NETO1: variants seen among roughly 807,000 people sequenced by gnomAD.
NETO1 encodes neuropilin and tolloid like 1.
Under a neutral mutation model 61.3 loss-of-function variants are expected in NETO1, and 26 were observed. That is an observed-to-expected ratio of 0.42 (90% confidence interval 0.31 to 0.59). NETO1 has a LOEUF of 0.59. Among genes scored for constraint, NETO1 ranks in the 20% least tolerant of loss-of-function variants. The pLI, the probability that NETO1 is intolerant of heterozygous loss-of-function variation, is 0.12. For synonymous variants in NETO1, 225 were observed against 225.8 expected (o/e 1.00, Z 0.03); for missense variants, 531 against 662.8 (o/e 0.80, Z 2.18).
chr18:72,846,584 CA>C (rs2074096411), intron 4 of NETO1, among the ~76,000 whole-genome samples: 1 of 120,836 alleles, frequency 8.3e-6, no homozygotes, highest in South Asian at 2.8e-4. Flanking sequence ...ATAAAATGGA[CA>C]AAATTGAAAT....
chr18:72,820,946 C>G (rs528263766), intron 4 of NETO1, among the ~76,000 whole-genome samples: 7 of 152,186 alleles, frequency 4.6e-5, no homozygotes, highest in Non-Finnish European at 8.8e-5. Flanking sequence ...CATAATAAAT[C>G]TCTAGGTAGA....
At chr18:72,862,158 C>T (rs574691805) in intron 3 of NETO1, among the ~76,000 whole-genome samples, 2 of 152,052 alleles carry the variant, frequency 1.3e-5, no homozygotes, top group African/African-American at 2.4e-5. Context: ...ATGAAGACAC[C>T]GGGGTGCCAC....
chr18:72,771,443 C>A (rs1341279817), intron 7 of NETO1, among the ~76,000 whole-genome samples: 1 of 152,118 alleles, frequency 6.6e-6, no homozygotes, highest in East Asian at 1.9e-4. Context: ...GTGAGTCACA[C>A]ACTTGAGTTG....
At chr18:72,865,053 G>A in intron 2 of NETO1, 108 bp from the exon 3 acceptor site, 1 of 1,424,486 alleles carries the variant, frequency 7.0e-7, no homozygotes, top group South Asian at 1.3e-5. Flanking sequence ...ATTTTTAAAT[G>A]TTGTCTTAGC....
At chr18:72,792,672 T>C (rs1411384424) in intron 6 of NETO1, among the ~76,000 whole-genome samples, 1 of 151,904 alleles carries the variant, frequency 6.6e-6, no homozygotes, top group Non-Finnish European at 1.5e-5. Context: ...AATCTGGTCA[T>C]ATCACTTTTC....
At chr18:72,821,234 T>TAAAAAAAAA (rs10672110) in intron 4 of NETO1, among the ~76,000 whole-genome samples, 2 of 80,216 alleles carry the variant, frequency 2.5e-5, no homozygotes, top group African/African-American at 5.1e-5. Flanking sequence ...TCATATTAAC[T>TAAAAAAAAA]AAAAAAAAAA....
chr18:72,784,288 A>G (rs1185215451), intron 6 of NETO1, among the ~76,000 whole-genome samples: 1 of 152,158 alleles, frequency 6.6e-6, no homozygotes, highest in Non-Finnish European at 1.5e-5. Context: ...GCTTCCTTTT[A>G]CTTCCAAAAA....
chr18:72,822,891 T>G (rs1377865801), intron 4 of NETO1, among the ~76,000 whole-genome samples: 1 of 152,192 alleles, frequency 6.6e-6, no homozygotes, highest in African/African-American at 2.4e-5. Flanking sequence ...GTGTATATGT[T>G]TATATTGTAC....
chr18:72,796,823 C>G (rs2072331756), intron 4 of NETO1, among the ~76,000 whole-genome samples: 1 of 152,032 alleles, frequency 6.6e-6, no homozygotes, highest in Admixed American at 6.6e-5. Flanking sequence ...TAAGCAATCT[C>G]CATTTAAAAA....
chr18:72,833,581 T>C (rs2073648360), intron 4 of NETO1, among the ~76,000 whole-genome samples: 1 of 152,184 alleles, frequency 6.6e-6, no homozygotes, highest in Non-Finnish European at 1.5e-5. Flanking sequence ...AACTCCCTGT[T>C]GCTCAATGCT....
chr18:72,855,812 C>T (rs2074396456), intron 4 of NETO1, among the ~76,000 whole-genome samples: 1 of 152,142 alleles, frequency 6.6e-6, no homozygotes, highest in Admixed American at 6.5e-5. Context: ...GGCTAAACCA[C>T]CATTGGAAGA....
intron 4 of NETO1, among the ~76,000 whole-genome samples, chr18:72,803,381 C>A (rs1408769406): frequency 2.0e-5 from 3 of 152,160 alleles, no homozygotes; most frequent in Non-Finnish European, 2.9e-5. Flanking sequence ...GAGGAAAATA[C>A]ACTAATGGAT....
intron 4 of NETO1, among the ~76,000 whole-genome samples, chr18:72,800,053 T>G (rs1042870692): frequency 6.6e-6 from 1 of 152,302 alleles, no homozygotes; most frequent in East Asian, 1.9e-4. Context: ...GCAGAGATTT[T>G]GAGAGAGATG....
At chr18:72,789,288 A>C in intron 6 of NETO1, among the ~76,000 whole-genome samples, 1 of 151,918 alleles carries the variant, frequency 6.6e-6, no homozygotes, top group Non-Finnish European at 1.5e-5. Flanking sequence ...AATAAAAAAT[A>C]ATTTTCTGGC....
At chr18:72,756,402 A>G (rs2070785077) in intron 7 of NETO1, among the ~76,000 whole-genome samples, 1 of 152,092 alleles carries the variant, frequency 6.6e-6, no homozygotes, top group African/African-American at 2.4e-5. Flanking sequence ...AAAATGAAGA[A>G]CATTATCCAC....
intron 4 of NETO1, among the ~76,000 whole-genome samples, chr18:72,855,855 C>A (rs866538132): frequency 6.6e-6 from 1 of 152,132 alleles, no homozygotes; most frequent in South Asian, 2.1e-4. Flanking sequence ...AATTATCAAA[C>A]CTTTGGTTCA....
intron 4 of NETO1, among the ~76,000 whole-genome samples, chr18:72,796,408 A>T (rs995407528): frequency 3.3e-5 from 5 of 152,234 alleles, no homozygotes; most frequent in African/African-American, 1.2e-4. Flanking sequence ...TTTACTACAG[A>T]CACTATTAGA....
intron 4 of NETO1, among the ~76,000 whole-genome samples, chr18:72,831,036 T>C (rs1326179241): frequency 1.3e-5 from 2 of 152,094 alleles, no homozygotes; most frequent in Non-Finnish European, 2.9e-5. Flanking sequence ...AAGACCCCCT[T>C]ACCCCACTAC....
chr18:72,843,298 T>C (rs902695808), intron 4 of NETO1, among the ~76,000 whole-genome samples: 1 of 152,088 alleles, frequency 6.6e-6, no homozygotes, highest in African/African-American at 2.4e-5. Context: ...AAACAACAGA[T>C]AGAGGAGTAA....
Sources: gnomAD v4.1 joint callset for allele counts (sites outside exome capture counted in the v4.1 genomes callset) on GRCh38, gnomAD v4.1.1 for gene constraint, MANE v1.5 for transcripts, NCBI Gene and HGNC (gene_info 2026-07-23, HGNC 2026-07-21) for gene names.